Variants in AKAP10 observed in about 807,000 individuals in gnomAD.
AKAP10 encodes A-kinase anchoring protein 10, also known as A-kinase anchor protein 10, mitochondrial.
A neutral mutation model predicts 80.8 loss-of-function variants in AKAP10; 24 were observed. That is an observed-to-expected ratio of 0.30 (90% confidence interval 0.22 to 0.42). AKAP10 has a LOEUF of 0.42. AKAP10 is among the 10% of genes least tolerant of loss of function. AKAP10 has a pLI of 1.00. For synonymous variants in AKAP10, 291 were observed against 277.7 expected, an observed-to-expected ratio of 1.05 and a Z score of -0.48; for missense variants, 661 against 794.9, an observed-to-expected ratio of 0.83 and a Z score of 2.03.
chr17:19,938,394 GC>G lies in AKAP10; in HGVS notation c.1322+1318del, dbSNP rs2043016284. On this transcript the variant is annotated intron_variant, in intron 8 of 14. Coordinates refer to ENST00000225737, the MANE Select transcript of AKAP10 (RefSeq NM_007202.4). ...TGGGATTACAGGTGTGTGCCATCAT[GC>G]CTGGCTAATTCTTGTATTTTTAGTA... 2.0e-5 allele frequency among the ~76,000 whole-genome samples: 3 copies of G among 151,730 alleles called. No individual in the cohort carries two copies. In the South Asian group the frequency reaches 6.2e-4, roughly 32 times the overall value.
intron 12 of AKAP10, among the ~76,000 whole-genome samples, chr17:19,910,914 C>T (rs2152409413): frequency 6.6e-6 from 1 of 152,280 alleles, no homozygotes; most frequent in Non-Finnish European, 1.5e-5. Context: ...CGAAGTAGGC[C>T]AGCCTCTATT....
intron 3 of AKAP10, 148 bp downstream of exon 3, chr17:19,962,692 G>A: frequency 1.3e-6 from 1 of 769,236 alleles, no homozygotes; most frequent in South Asian, 2.4e-5. Flanking sequence ...ACACAACACA[G>A]CTACCCATTA....
intron 5 of AKAP10, among the ~76,000 whole-genome samples, chr17:19,943,403 T>C (rs2043070140): frequency 6.6e-6 from 1 of 152,080 alleles, no homozygotes; most frequent in East Asian, 1.9e-4. Flanking sequence ...TGATCACCAA[T>C]AGCCAATGAT....
At chr17:19,916,680 G>A (rs2042746100) in intron 12 of AKAP10, among the ~76,000 whole-genome samples, 1 of 151,072 alleles carries the variant, frequency 6.6e-6, no homozygotes, top group East Asian at 1.9e-4. Context: ...GCTCACACCT[G>A]TAATCCCAGC....
chr17:19,961,025 T>C (rs184194769), intron 3 of AKAP10, among the ~76,000 whole-genome samples: 8,723 of 146,462 alleles, frequency 0.06, 290 homozygotes, highest in Admixed American at 0.093. Flanking sequence ...TACAAATAAA[T>C]AAACAAACAA....
intron 14 of AKAP10, among the ~76,000 whole-genome samples, chr17:19,908,203 G>A (rs1260511408): frequency 6.6e-6 from 1 of 152,162 alleles, no homozygotes; most frequent in Non-Finnish European, 1.5e-5. Flanking sequence ...GTGAAGTGCT[G>A]AATTTTGTTG....
Position 19,905,444 on chromosome 17 carries a change from T to G in AKAP10, c.*783A>C, listed in dbSNP as rs2042623136. 3 of 152,280 alleles carry G rather than the reference T, an allele frequency of 2.0e-5. No homozygotes were observed. The allele number at this position is 152,280 out of a possible 1,614,324, so 9.4% of individuals were successfully genotyped here. On this transcript the variant is annotated 3_prime_UTR_variant, in exon 15 of 15. Transcript: ENST00000225737. ...CGCTATTTCTTTCTTTCTTTCCACA[T>G]GTATTCTGAAGGGAAAGTTAAGTAA...
intron 12 of AKAP10, among the ~76,000 whole-genome samples, chr17:19,911,610 G>A (rs368495080): frequency 3.3e-5 from 5 of 151,904 alleles, no homozygotes; most frequent in East Asian, 1.9e-4. Context: ...TGGCTGAGGC[G>A]GGAGGATCAC....
At chr17:19,976,237 G>A (rs549701900) in intron 1 of AKAP10, among the ~76,000 whole-genome samples, 3 of 152,048 alleles carry the variant, frequency 2.0e-5, no homozygotes, top group South Asian at 4.2e-4. Flanking sequence ...CTGTAATCCT[G>A]GCACTTTGGG....
At chr17:19,923,332 C>A (rs2042838936) in intron 11 of AKAP10, among the ~76,000 whole-genome samples, 1 of 152,140 alleles carries the variant, frequency 6.6e-6, no homozygotes, top group African/African-American at 2.4e-5. Context: ...CCCGTCTCGG[C>A]CTCCCAAAGT....
In AKAP10 at chr17:19,962,971, A is replaced by G; in HGVS notation, c.188T>C (p.Leu63Pro). Residue 63 changes from leucine to proline, a missense_variant, in exon 3 of 15, where the codon CTG (leucine) becomes CCG (proline). By Grantham distance (98) the Leu-to-Pro change is moderately conservative. Transcript: ENST00000225737. ...AACATGACTTGGTCCTGCAGCCTCC[A>G]GCAAGGCATGATTTTTAGTGCTTTT... ...PQKSTKNHALLEAAGPSHVAI... is the reference protein window; with the variant it reads ...PQKSTKNHALPEAAGPSHVAI... The G allele has an allele frequency of 6.2e-7, 1 of 1,613,660 alleles. No homozygotes were observed.
chr17:19,946,273 ATATTTTTTTTTTT>A (rs2043128084), intron 5 of AKAP10, among the ~76,000 whole-genome samples: 1 of 19,808 alleles, frequency 5.0e-5, no homozygotes, highest in African/African-American at 2.0e-4. Context: ...ATATATATAT[ATATTTTTTTTTTT>A]TTTTTTTTTT....
In AKAP10 at chr17:19,975,233, G is replaced by C. The variant is rs180681515; in HGVS notation, c.88+2359C>G. 3.3e-3 allele frequency among the ~76,000 whole-genome samples: 504 copies of C among 152,164 alleles called. 4 individuals are homozygous for C. Among genetic ancestry groups the C allele is most frequent in the African/African-American group, 0.011 (477 of 41,500 alleles). On this transcript the variant is annotated intron_variant, in intron 1 of 14. Coordinates refer to ENST00000225737, the MANE Select transcript of AKAP10 (RefSeq NM_007202.4). ...GTACAGGTCTCATGTTGCTCAGGCT[G>C]GTCTTGAACTCCTGGGTTCAAGCTA...
intron 11 of AKAP10, among the ~76,000 whole-genome samples, chr17:19,922,322 G>A (rs1217194845): frequency 6.6e-6 from 1 of 152,078 alleles, no homozygotes. Flanking sequence ...TCATAGATGG[G>A]TACCAATATA....
intron 1 of AKAP10, among the ~76,000 whole-genome samples, chr17:19,969,269 C>CA (rs1230599916): frequency 4.6e-5 from 7 of 152,098 alleles, no homozygotes; most frequent in African/African-American, 1.7e-4. Flanking sequence ...TGCTTGAACC[C>CA]AGGAGGCGGA....
intron 4 of AKAP10, among the ~76,000 whole-genome samples, chr17:19,955,435 TATA>T (rs1483553701): frequency 9.9e-5 from 15 of 152,172 alleles, no homozygotes; most frequent in Admixed American, 9.2e-4. Context: ...ACTTACTATA[TATA>T]ATATTTGAAG....
At chr17:19,972,893 G>C (rs1176919301) in intron 1 of AKAP10, among the ~76,000 whole-genome samples, 1 of 152,000 alleles carries the variant, frequency 6.6e-6, no homozygotes. Flanking sequence ...TTCAAGTTTT[G>C]TTTTTTTAAC....
intron 3 of AKAP10, among the ~76,000 whole-genome samples, chr17:19,959,741 A>G (rs2043326158): frequency 6.6e-6 from 1 of 152,192 alleles, no homozygotes; most frequent in Non-Finnish European, 1.5e-5. Context: ...GGTTTCATCA[A>G]TTTGTCAAAA....
At chr17:19,915,674 C>T (rs771772755) in intron 12 of AKAP10, among the ~76,000 whole-genome samples, 5 of 152,198 alleles carry the variant, frequency 3.3e-5, no homozygotes, top group Non-Finnish European at 7.3e-5. Flanking sequence ...CATAGATGGG[C>T]TTGCTGGTAG....
Sources: gnomAD v4.1 joint callset for allele counts (sites outside exome capture counted in the v4.1 genomes callset) on GRCh38, gnomAD v4.1.1 for gene constraint, MANE v1.5 for transcripts, NCBI Gene and HGNC (gene_info 2026-07-23, HGNC 2026-07-21) for gene names.